Variants in GMDS observed in about 807,000 individuals in gnomAD.
GMDS encodes GDP-mannose 4,6 dehydratase.
Under a neutral mutation model 49.9 loss-of-function variants are expected in GMDS, and 20 were observed. The ratio of observed to expected loss-of-function variants is 0.40; its 90% CI spans 0.28 to 0.58. GMDS has a LOEUF of 0.58. GMDS is among the 20% of genes least tolerant of loss of function. The pLI is 0.42. For synonymous variants in GMDS, 177 were observed against 178.6 expected (o/e 0.99, Z 0.07); for missense variants, 362 against 481.4 (o/e 0.75, Z 2.32).
chr6:2,069,004 T>C (rs1424517781), intron 4 of GMDS, among the ~76,000 whole-genome samples: 4 of 152,156 alleles, frequency 2.6e-5, no homozygotes, highest in Non-Finnish European at 5.9e-5. Context: ...TCACACTACC[T>C]GACTTCAAAC....
At chr6:1,720,776 TG>T (rs1394806922) in intron 9 of GMDS, among the ~76,000 whole-genome samples, 2 of 151,470 alleles carry the variant, frequency 1.3e-5, no homozygotes, top group African/African-American at 4.9e-5. Flanking sequence ...AGAGCAGGGG[TG>T]GAGGGGAGGA....
intron 9 of GMDS, among the ~76,000 whole-genome samples, chr6:1,673,298 A>G (rs201540896): frequency 1.8e-4 from 27 of 151,522 alleles, no homozygotes; most frequent in African/African-American, 6.3e-4. Flanking sequence ...CCATCCCACT[A>G]CTTTTTTGGC....
intron 4 of GMDS, among the ~76,000 whole-genome samples, chr6:2,068,306 A>C (rs1225023223): frequency 2.7e-5 from 4 of 150,234 alleles, no homozygotes; most frequent in African/African-American, 9.7e-5. Flanking sequence ...CACAGCCAAT[A>C]TCATACTGAA....
intron 4 of GMDS, among the ~76,000 whole-genome samples, chr6:2,070,107 T>C (rs1323937431): frequency 1.3e-5 from 2 of 151,802 alleles, no homozygotes; most frequent in African/African-American, 4.8e-5. Context: ...GATGAGTTCA[T>C]GTCCTTTGTA....
intron 6 of GMDS, among the ~76,000 whole-genome samples, chr6:1,956,337 A>T (rs573669900): frequency 6.6e-6 from 1 of 152,336 alleles, no homozygotes; most frequent in South Asian, 2.1e-4. Context: ...TTTATTTTCA[A>T]AACTATGCTG....
intron 7 of GMDS, among the ~76,000 whole-genome samples, chr6:1,827,268 T>C (rs768408128): frequency 2.6e-5 from 4 of 151,900 alleles, no homozygotes; most frequent in Admixed American, 6.6e-5. Context: ...TATAAATACA[T>C]GTTTTGGAAA....
intron 6 of GMDS, among the ~76,000 whole-genome samples, chr6:1,935,142 G>A (rs533537053): frequency 3.9e-5 from 6 of 152,182 alleles, no homozygotes; most frequent in Non-Finnish European, 8.8e-5. Context: ...ACTAAGAAAA[G>A]TTAGCTCAAT....
At chr6:2,034,991 T>C (rs1769207132) in intron 4 of GMDS, among the ~76,000 whole-genome samples, 1 of 152,164 alleles carries the variant, frequency 6.6e-6, no homozygotes, top group African/African-American at 2.4e-5. Flanking sequence ...CTGCTAGCCC[T>C]ATGGAACTGC....
intron 1 of GMDS, among the ~76,000 whole-genome samples, chr6:2,169,757 C>G (rs978604624): frequency 6.6e-6 from 1 of 152,092 alleles, no homozygotes; most frequent in Non-Finnish European, 1.5e-5. Flanking sequence ...TTAACTTACA[C>G]AACTCCTACA....
chr6:2,038,793 G>A (rs9503076), intron 4 of GMDS, among the ~76,000 whole-genome samples: 104,455 of 152,050 alleles, frequency 0.69, 36,075 homozygotes, highest in Middle Eastern at 0.73. Flanking sequence ...AGTTTCAACT[G>A]CTGTGCACTC....
Position 1,960,856 on chromosome 6 carries a change from TTGG to T in GMDS, c.453_455del (p.Tyr151_Gln152delinsTer). On this transcript the variant is annotated stop_gained and inframe_deletion, in exon 5 of 11. Transcript: ENST00000380815. LOFTEE classifies it high-confidence loss of function. ...TCCCATAAAGTTCACTTGTTGAGGC[TTGG>T]TAGAACTTCACAGAGTTGATAAGGC... The T allele has an allele frequency of 6.2e-7, 1 of 1,612,514 alleles. No individual in the cohort carries two copies. Among genetic ancestry groups the T allele is most frequent in the Non-Finnish European group, 8.5e-7 (1 of 1,178,704 alleles).
At chr6:1,950,063 G>T (rs1373785162) in intron 6 of GMDS, among the ~76,000 whole-genome samples, 1 of 152,166 alleles carries the variant, frequency 6.6e-6, no homozygotes, top group Non-Finnish European at 1.5e-5. Flanking sequence ...ATTTTTTAAA[G>T]ATTATTTTAT....
At chr6:1,886,090 A>AT (rs1204509340) in intron 7 of GMDS, among the ~76,000 whole-genome samples, 1 of 152,148 alleles carries the variant, frequency 6.6e-6, no homozygotes, top group Non-Finnish European at 1.5e-5. Flanking sequence ...AAAAGTTATG[A>AT]TTTTCCTCCT....
At chr6:2,090,411 T>C (rs1773250403) in intron 4 of GMDS, among the ~76,000 whole-genome samples, 1 of 152,196 alleles carries the variant, frequency 6.6e-6, no homozygotes, top group Non-Finnish European at 1.5e-5. Context: ...AACACATTTA[T>C]ACACCACTAA....
At chr6:1,751,060 C>T (rs1399838303) in intron 7 of GMDS, among the ~76,000 whole-genome samples, 1 of 152,210 alleles carries the variant, frequency 6.6e-6, no homozygotes, top group Non-Finnish European at 1.5e-5. Context: ...GAAAGAAAGG[C>T]AGCAACCCCA....
intron 1 of GMDS, among the ~76,000 whole-genome samples, chr6:2,128,698 A>C (rs1283004779): frequency 6.6e-6 from 1 of 152,226 alleles, no homozygotes; most frequent in Non-Finnish European, 1.5e-5. Flanking sequence ...GAGACCATAA[A>C]AGATACATTT....
At chr6:2,038,995 T>C (rs950870284) in intron 4 of GMDS, among the ~76,000 whole-genome samples, 7 of 152,132 alleles carry the variant, frequency 4.6e-5, no homozygotes, top group Non-Finnish European at 1.0e-4. Context: ...CACTAGGCAA[T>C]TTCATCGTGC....
intron 9 of GMDS, among the ~76,000 whole-genome samples, chr6:1,644,348 C>T (rs1418591248): frequency 5.9e-5 from 9 of 152,188 alleles, no homozygotes; most frequent in African/African-American, 2.2e-4. Context: ...CCAAACCTGC[C>T]CTCAACACAG....
At chr6:1,850,853 G>A (rs529682840) in intron 7 of GMDS, among the ~76,000 whole-genome samples, 11 of 152,244 alleles carry the variant, frequency 7.2e-5, no homozygotes, top group African/African-American at 2.6e-4. Flanking sequence ...ACCCAAACCT[G>A]TTCGCAGGGC....
Sources: allele counts gnomAD v4.1 joint callset (sites outside exome capture counted in the v4.1 genomes callset), GRCh38; gene constraint gnomAD v4.1.1; transcripts MANE v1.5; gene names NCBI Gene and HGNC (gene_info 2026-07-23, HGNC 2026-07-21).